Variants in MOSPD2 observed in about 807,000 individuals in gnomAD.
The protein encoded by MOSPD2 is motile sperm domain containing 2, also known as motile sperm domain-containing protein 2.
In MOSPD2, 5 loss-of-function variants were observed where a neutral mutation model predicts 41.7. The ratio of observed to expected loss-of-function variants is 0.12; its 90% CI spans 0.06 to 0.25. The LOEUF (loss-of-function observed/expected upper bound fraction) is 0.25. MOSPD2 is among the 10% of genes least tolerant of loss of function. MOSPD2 has a pLI of 1.00. For missense variants in MOSPD2, 282 were observed against 375.2 expected (o/e 0.75, Z 2.05); for synonymous variants, 115 against 126.9 (o/e 0.91, Z 0.63).
intron 2 of MOSPD2, among the ~76,000 whole-genome samples, chrX:14,878,351 A>G (rs367665724): frequency 6.2e-4 from 70 of 112,088 alleles, no homozygotes; most frequent in African/African-American, 2.0e-3. Flanking sequence ...GGAGAGTGTT[A>G]GTCTTACCAC....
At chrX:14,902,700 T>C (rs1701374895) in intron 6 of MOSPD2, among the ~76,000 whole-genome samples, 1 of 112,204 alleles carries the variant, frequency 8.9e-6, no homozygotes, top group African/African-American at 3.2e-5. Flanking sequence ...AAGAATAGGC[T>C]GTTTACCAGA....
chrX:14,919,111 C>T (rs189938472), intron 14 of MOSPD2, among the ~76,000 whole-genome samples: 36 of 111,376 alleles, frequency 3.2e-4, no homozygotes, highest in Non-Finnish European at 6.4e-4. Context: ...CCAGCTGAGG[C>T]AGGAGGATTG....
chrX:14,922,116 T>G lies in MOSPD2; in HGVS notation c.*2307T>G, dbSNP rs1259565962. 1.8e-5 allele frequency: 2 copies of G among 111,459 alleles called. No homozygotes were observed. The highest frequency in any genetic ancestry group is 3.8e-5 in the Non-Finnish European group (2 of 53,116). 9.2% of individuals were successfully genotyped at this position (111,459 alleles called of 1,213,427 possible). ...ATTTTGACTGGATTTAATAGCACTT[T>G]ATTGTACAACTACAAAAAAAAATAT... On this transcript the variant is annotated 3_prime_UTR_variant, in exon 15 of 15. Coordinates refer to ENST00000380492, the MANE Select transcript of MOSPD2 (RefSeq NM_152581.4).
intron 4 of MOSPD2, among the ~76,000 whole-genome samples, chrX:14,896,392 C>T (rs886653734): frequency 1.8e-5 from 2 of 111,443 alleles, no homozygotes; most frequent in Non-Finnish European, 3.8e-5. Flanking sequence ...TCAATTTGGC[C>T]TTTTATCCAT....
chrX:14,893,095 C>T, intron 3 of MOSPD2: 1 of 293,569 alleles, frequency 3.4e-6, no homozygotes, highest in East Asian at 5.2e-5. Flanking sequence ...AGAGCAGAAT[C>T]ACACTCAGAT....
In MOSPD2 at chrX:14,888,107, G is replaced by A. The variant is rs1439452483; in HGVS notation, c.80-4616G>A. On this transcript the variant is annotated intron_variant, in intron 2 of 14. Coordinates refer to ENST00000380492, the MANE Select transcript of MOSPD2 (RefSeq NM_152581.4). ...GATGAGGCTTAAAAATCCACCACTT[G>A]GAATTACTGTTGTTTTTGATGTGGT... is the stretch of plus-strand genomic sequence containing the variant. Among the ~76,000 whole-genome samples the A allele has an allele frequency of 5.5e-5, 6 of 108,488 alleles. No homozygotes were observed. In the Admixed American group the frequency reaches 6.0e-4, roughly 11 times the overall value. The allele number at this position is 108,488 out of a possible 115,157, so 94.2% of individuals were successfully genotyped here.
chrX:14,877,637 G>T (rs896424795), intron 2 of MOSPD2, among the ~76,000 whole-genome samples: 4 of 102,600 alleles, frequency 3.9e-5, no homozygotes, highest in Non-Finnish European at 8.0e-5. Flanking sequence ...CACCACGCCC[G>T]GCCTACAGTC....
At position 14,879,908 on chromosome X, in the gene MOSPD2, T is replaced by C. The variant is rs185920263; in HGVS notation, c.79+6150T>C. ...TTAATGCCTTTGAATACCAGTGAGA[T>C]TGAGCTTTTTTTTTCATACCTTTAT... On this transcript the variant is annotated intron_variant, in intron 2 of 14. Transcript: ENST00000380492. Among the ~76,000 whole-genome samples, 395 of 110,657 alleles carry C rather than the reference T, an allele frequency of 3.6e-3. 2 individuals carry two copies. Among genetic ancestry groups the C allele is most frequent in the African/African-American group, 0.013 (385 of 30,416 alleles).
intron 2 of MOSPD2, among the ~76,000 whole-genome samples, chrX:14,884,643 T>C (rs1014606927): frequency 4.5e-5 from 5 of 111,411 alleles, no homozygotes; most frequent in African/African-American, 6.5e-5. Flanking sequence ...ATATTAGATA[T>C]CAGATTAGAT....
chrX:14,919,811 G>A lies in MOSPD2; in HGVS notation c.*2G>A, dbSNP rs1409967283. ...TTCTTCTATTTATTGTACAGTTAAA[G>A]AAGTGGTGCCGGGTAGGAACCACGG... On this transcript the variant is annotated 3_prime_UTR_variant, in exon 15 of 15. Transcript: ENST00000380492. 1.7e-6 allele frequency: 2 copies of A among 1,201,101 alleles called. No homozygotes were observed.
intron 9 of MOSPD2, 68 bp from the exon 10 acceptor site, chrX:14,912,181 G>T (rs2092592903): frequency 3.2e-6 from 2 of 631,225 alleles, no homozygotes; most frequent in African/African-American, 2.3e-5. Context: ...ATAATAGTAG[G>T]CACTAAAATA....
At chrX:14,899,103 T>C (rs1792317444) in intron 5 of MOSPD2, among the ~76,000 whole-genome samples, 1 of 83,111 alleles carries the variant, frequency 1.2e-5, no homozygotes, top group African/African-American at 3.5e-5. Context: ...AGTATATCCA[T>C]TCCTAATACT....
intron 4 of MOSPD2, among the ~76,000 whole-genome samples, chrX:14,896,007 C>T (rs986709526): frequency 2.7e-5 from 3 of 111,530 alleles, no homozygotes; most frequent in African/African-American, 9.8e-5. Flanking sequence ...GAGCAATACT[C>T]TTTTTGCATT....
At chrX:14,893,645 A>G (rs1039604909) in intron 3 of MOSPD2, among the ~76,000 whole-genome samples, 3 of 112,474 alleles carry the variant, frequency 2.7e-5, no homozygotes, top group African/African-American at 9.7e-5. Flanking sequence ...AGTGACTTCA[A>G]TCTGAAGACT....
chrX:14,904,898 C>T (rs755288049), intron 7 of MOSPD2, among the ~76,000 whole-genome samples: 2 of 111,605 alleles, frequency 1.8e-5, no homozygotes, highest in Non-Finnish European at 3.8e-5. Context: ...GTAACCCAAA[C>T]GCCTACCCTG....
chrX:14,895,355 A>G lies in MOSPD2; in HGVS notation c.283A>G (p.Ile95Val). 2 of 1,160,345 alleles carry G rather than the reference A, an allele frequency of 1.7e-6. No individual in the cohort carries two copies. Among genetic ancestry groups the G allele is most frequent in the Non-Finnish European group, 2.3e-6 (2 of 851,672 alleles). The stretch of plus-strand genomic sequence containing the variant: ...CAGATGGTTATTGGAAATTGGTGTT[A>G]TTTATCTCCATGGTTATGACAAAGA... ...IPRWLLEIGV[I>V]YLHGYDKEGN... Residue 95 changes from isoleucine to valine, a missense_variant, in exon 4 of 15, where the codon ATT becomes GTT. Coordinates refer to ENST00000380492, the MANE Select transcript of MOSPD2 (RefSeq NM_152581.4).
At chrX:14,915,864 T>A (rs2092599494) in intron 12 of MOSPD2, 100 bp downstream of exon 12, 1 of 742,811 alleles carries the variant, frequency 1.3e-6, no homozygotes, top group Admixed American at 2.7e-5. Context: ...GGCTAGAATC[T>A]AGAAATTAGC....
intron 2 of MOSPD2, among the ~76,000 whole-genome samples, chrX:14,887,314 T>A (rs1468439175): frequency 8.9e-6 from 1 of 112,565 alleles, no homozygotes; most frequent in Non-Finnish European, 1.9e-5. Flanking sequence ...ATAGGTAAAT[T>A]TAAATTTAGT....
At chrX:14,874,118 T>C (rs943945511) in intron 2 of MOSPD2, 2 of 239,344 alleles carry the variant, frequency 8.4e-6, no homozygotes, top group Non-Finnish European at 1.5e-5. Flanking sequence ...CTAGCGAAAA[T>C]GTACCTGGAA....
Sources: gnomAD v4.1 joint callset for allele counts (sites outside exome capture counted in the v4.1 genomes callset) on GRCh38, gnomAD v4.1.1 for gene constraint, MANE v1.5 for transcripts, NCBI Gene and HGNC (gene_info 2026-07-23, HGNC 2026-07-21) for gene names.